Variants in AOAH observed in about 807,000 individuals in gnomAD.
The protein encoded by AOAH is acyloxyacyl hydrolase.
In AOAH, 64 loss-of-function variants were observed where a neutral mutation model predicts 92.2. That is an observed-to-expected ratio of 0.69 (90% CI 0.57 to 0.86). The LOEUF (loss-of-function observed/expected upper bound fraction) is 0.86. Among genes scored for constraint, AOAH ranks in the 40% least tolerant of loss-of-function variants. The pLI, the probability that AOAH is intolerant of heterozygous loss-of-function variation, is 0.00. For synonymous variants in AOAH, 263 were observed against 254.5 expected (o/e 1.03, Z -0.32); for missense variants, 656 against 694.6 (o/e 0.94, Z 0.62).
chr7:36,534,978 GTGTGTT>G (rs1295085392), intron 16 of AOAH, among the ~76,000 whole-genome samples: 1 of 150,426 alleles, frequency 6.6e-6, no homozygotes, highest in African/African-American at 2.5e-5. Context: ...GTCTCTGTGT[GTGTGTT>G]TGTGTGTGTC....
intron 2 of AOAH, among the ~76,000 whole-genome samples, chr7:36,686,370 A>T (rs934417473): frequency 3.3e-5 from 5 of 152,184 alleles, no homozygotes; most frequent in Non-Finnish European, 5.9e-5. Flanking sequence ...CATTATTTTG[A>T]CTTCTTAGTA....
chr7:36,621,418 TG>T, intron 8 of AOAH, among the ~76,000 whole-genome samples: 1 of 152,340 alleles, frequency 6.6e-6, no homozygotes, highest in African/African-American at 2.4e-5. Flanking sequence ...TCTGTTCACT[TG>T]ATTGTTTTTC....
At chr7:36,721,746 G>C (rs1799642828) in intron 1 of AOAH, among the ~76,000 whole-genome samples, 1 of 152,220 alleles carries the variant, frequency 6.6e-6, no homozygotes. Context: ...GTGAATGATA[G>C]AGATGACCAC....
At chr7:36,580,203 T>TC (rs1464009345) in intron 12 of AOAH, among the ~76,000 whole-genome samples, 1 of 152,226 alleles carries the variant, frequency 6.6e-6, no homozygotes, top group African/African-American at 2.4e-5. Flanking sequence ...TTCTCTTTTT[T>TC]CCCTACAACT....
Position 36,516,562 on chromosome 7 carries a change from G to A in AOAH, c.1600-3182C>T, listed in dbSNP as rs1185458464. ...AGCAGGAGCATGTCAAAGGCTGCCT[G>A]CGAAGCTGGCCAGTGCTCCAGGGAG... On this transcript the variant is annotated intron_variant, in intron 20 of 20. Transcript: ENST00000617537. The surrounding 1 kb of genome is among the most constrained non-coding windows in gnomAD (Gnocchi z 5.0). Among the ~76,000 whole-genome samples the A allele has an allele frequency of 1.3e-5, 2 of 152,176 alleles. No individual in the cohort carries two copies. Among genetic ancestry groups the A allele is most frequent in the Non-Finnish European group, 2.9e-5 (2 of 68,032 alleles).
chr7:36,613,220 T>C (rs967215196), intron 11 of AOAH, among the ~76,000 whole-genome samples: 5 of 152,232 alleles, frequency 3.3e-5, no homozygotes, highest in Non-Finnish European at 7.3e-5. Context: ...TTTTCCTTCT[T>C]AAAATTCTGT....
chr7:36,594,244 A>G (rs1030984569), intron 12 of AOAH, 95 bp downstream of exon 12: 2 of 950,742 alleles, frequency 2.1e-6, no homozygotes, highest in African/African-American at 3.3e-5. Context: ...AGTTCCTAAT[A>G]ATTCGCATTT....
chr7:36,686,105 ATATTT>A (rs1796990103), intron 2 of AOAH, among the ~76,000 whole-genome samples: 1 of 152,222 alleles, frequency 6.6e-6, no homozygotes, highest in African/African-American at 2.4e-5. Flanking sequence ...AATATGATTA[ATATTT>A]TATTTCTACT....
intron 16 of AOAH, among the ~76,000 whole-genome samples, chr7:36,536,770 G>A (rs1290927567): frequency 2.6e-5 from 4 of 151,864 alleles, no homozygotes; most frequent in African/African-American, 9.7e-5. Context: ...CCAACATGGT[G>A]AAACCCCATT....
chr7:36,577,801 T>A (rs185287438), intron 12 of AOAH, among the ~76,000 whole-genome samples: 1 of 152,320 alleles, frequency 6.6e-6, no homozygotes, highest in East Asian at 1.9e-4. Context: ...AATAATAACT[T>A]AGCTCAAAAT....
At chr7:36,661,306 A>T (rs1238016312) in intron 3 of AOAH, 1 of 152,206 alleles carries the variant, frequency 6.6e-6, no homozygotes, top group African/African-American at 2.4e-5. Context: ...AGAATAAGAG[A>T]AGCTCGAGTG....
intron 13 of AOAH, among the ~76,000 whole-genome samples, chr7:36,565,240 A>G (rs1193826502): frequency 1.4e-5 from 2 of 143,774 alleles, no homozygotes; most frequent in East Asian, 2.1e-4. Context: ...CTCTGTATCA[A>G]GGCTCTGCAA....
At chr7:36,590,335 ATCTCTTC>A (rs1484511218) in intron 12 of AOAH, among the ~76,000 whole-genome samples, 3 of 151,956 alleles carry the variant, frequency 2.0e-5, no homozygotes, top group Non-Finnish European at 2.9e-5. Context: ...GACCTACTCA[ATCTCTTC>A]CTGAATCACA....
chr7:36,696,191 C>G (rs1028486057), intron 1 of AOAH, among the ~76,000 whole-genome samples: 1 of 152,178 alleles, frequency 6.6e-6, no homozygotes, highest in Non-Finnish European at 1.5e-5. Flanking sequence ...GTAGTACTTA[C>G]AGTAAGTTTT....
chr7:36,604,282 G>C (rs775560094), intron 11 of AOAH, among the ~76,000 whole-genome samples: 18 of 152,118 alleles, frequency 1.2e-4, no homozygotes, highest in Non-Finnish European at 2.2e-4. Context: ...TAGGATACTT[G>C]GTGTTTGGTA....
intron 3 of AOAH, among the ~76,000 whole-genome samples, chr7:36,668,272 G>A (rs1442633813): frequency 6.6e-6 from 1 of 152,160 alleles, no homozygotes; most frequent in African/African-American, 2.4e-5. Context: ...AAAAGAGTGG[G>A]TGGGCACACC....
chr7:36,576,760 G>T lies in AOAH; in HGVS notation c.939-104C>A, dbSNP rs1788532512. On this transcript the variant is annotated intron_variant, in intron 12 of 20. Coordinates refer to ENST00000617537, the MANE Select transcript of AOAH (RefSeq NM_001637.4). Reference sequence around the variant, plus strand: ...GCTTTTAAAAAAATATGGTTAAAATGAACTCAAAAAATCAAATCTCTGCTG... The same window carrying T: ...GCTTTTAAAAAAATATGGTTAAAATTAACTCAAAAAATCAAATCTCTGCTG... 9.1e-6 allele frequency: 5 copies of T among 550,126 alleles called. No homozygotes were observed. The South Asian group carries it at 1.6e-4, about 17-fold the overall frequency. 34.1% of individuals were successfully genotyped at this position (550,126 alleles called of 1,614,324 possible). A position where few individuals can be genotyped will look rare whatever the true frequency, so the allele number is the denominator to read the frequency against.
In AOAH at chr7:36,627,019, C is replaced by T. The variant is rs78155730; in HGVS notation, c.522-3769G>A. ...CTTATGTATCCTTAGAAATATCTAGCTGTATGTTGAAATGTTCATTCATTC... is the reference window on the plus strand; with the variant it reads ...CTTATGTATCCTTAGAAATATCTAGTTGTATGTTGAAATGTTCATTCATTC... On this transcript the variant is annotated intron_variant, in intron 6 of 20. Transcript: ENST00000617537. 7.2e-4 allele frequency among the ~76,000 whole-genome samples: 109 copies of T among 152,306 alleles called. No homozygotes were observed. In the East Asian group the frequency reaches 0.019, roughly 27 times the overall value.
intron 10 of AOAH, among the ~76,000 whole-genome samples, chr7:36,617,279 AGGGAGAGT>A (rs1358515529): frequency 2.0e-5 from 3 of 152,240 alleles, no homozygotes; most frequent in Non-Finnish European, 2.9e-5. Flanking sequence ...TGGAGGGCAC[AGGGAGAGT>A]GGGATGTGGG....
Sources: allele counts gnomAD v4.1 joint callset (sites outside exome capture counted in the v4.1 genomes callset), GRCh38; gene constraint gnomAD v4.1.1; non-coding constraint Gnocchi (gnomAD v3.1); transcripts MANE v1.5; gene names NCBI Gene and HGNC (gene_info 2026-07-23, HGNC 2026-07-21).